OR7E24: variants seen among roughly 807,000 people sequenced by gnomAD.
The protein encoded by OR7E24 is olfactory receptor 7E24.
For missense variants in OR7E24, 385 were observed against 410.3 expected (o/e 0.94, Z 0.53); for synonymous variants, 130 against 157.5 (o/e 0.83, Z 1.31).
At chr19:9,235,070 T>G in the OR7E24 span, 2 of 594,372 alleles carry the variant, frequency 3.4e-6, no homozygotes, top group Non-Finnish European at 3.0e-6. Context: ...TCCATAGAAG[T>G]TGCATCCAAG....
upstream of OR7E24, among the ~76,000 whole-genome samples, chr19:9,245,640 A>T (rs79956660): frequency 5.8e-3 from 880 of 152,334 alleles, 16 homozygotes; most frequent in East Asian, 0.041. Flanking sequence ...ATTCGAACTC[A>T]ATTGAACATG....
chr19:9,234,210 T>A, the OR7E24 span, among the ~76,000 whole-genome samples: 1 of 152,194 alleles, frequency 6.6e-6, no homozygotes, highest in African/African-American at 2.4e-5. Context: ...CCACATGTCT[T>A]TCTTAAGGTC....
chr19:9,241,630 G>T, the OR7E24 span, among the ~76,000 whole-genome samples: 1 of 152,130 alleles, frequency 6.6e-6, no homozygotes, highest in African/African-American at 2.4e-5. Flanking sequence ...TGGGTGTGGT[G>T]GTGGGTGCCT....
At chr19:9,226,867 G>A in the OR7E24 span, among the ~76,000 whole-genome samples, 2 of 152,072 alleles carry the variant, frequency 1.3e-5, no homozygotes, top group African/African-American at 4.8e-5. Flanking sequence ...CATCAGGCAG[G>A]GACCCTTCTA....
At chr19:9,215,369 CTT>C in the OR7E24 span, among the ~76,000 whole-genome samples, 1 of 141,780 alleles carries the variant, frequency 7.1e-6, no homozygotes, top group African/African-American at 2.5e-5. Context: ...AAAAAAACCT[CTT>C]TTTTTCATTT....
the OR7E24 span, among the ~76,000 whole-genome samples, chr19:9,221,446 G>A: frequency 1.5e-5 from 2 of 135,766 alleles, no homozygotes; most frequent in Admixed American, 7.6e-5. Flanking sequence ...CGCCTCCCGG[G>A]TTTACGCCAT....
At chr19:9,232,614 C>G in the OR7E24 span, among the ~76,000 whole-genome samples, 1 of 151,820 alleles carries the variant, frequency 6.6e-6, no homozygotes, top group African/African-American at 2.4e-5. Flanking sequence ...TCCTTTGTGC[C>G]CTGTGTAAAT....
chr19:9,232,428 T>C, the OR7E24 span, among the ~76,000 whole-genome samples: 1 of 150,610 alleles, frequency 6.6e-6, no homozygotes, highest in Non-Finnish European at 1.5e-5. Flanking sequence ...GTCCCAGCTA[T>C]TCAGGAGGCT....
upstream of OR7E24, among the ~76,000 whole-genome samples, chr19:9,249,221 T>C (rs73920720): frequency 0.11 from 16,031 of 152,200 alleles, 1,087 homozygotes; most frequent in African/African-American, 0.18. Context: ...TACTGAGGAT[T>C]GTGAGAGGAA....
At chr19:9,233,907 CTT>C in the OR7E24 span, among the ~76,000 whole-genome samples, 4 of 143,610 alleles carry the variant, frequency 2.8e-5, no homozygotes, top group African/African-American at 5.1e-5. Flanking sequence ...ACATGTCTTT[CTT>C]TTTTTTTTTT....
the OR7E24 span, among the ~76,000 whole-genome samples, chr19:9,228,252 T>C: frequency 4.6e-5 from 7 of 152,350 alleles, no homozygotes; most frequent in South Asian, 1.4e-3. Flanking sequence ...GGATTTTATA[T>C]ATTGGGGATG....
upstream of OR7E24, among the ~76,000 whole-genome samples, chr19:9,245,280 T>C (rs1174278653): frequency 6.6e-6 from 1 of 151,498 alleles, no homozygotes; most frequent in Non-Finnish European, 1.5e-5. Context: ...CATATGCAAA[T>C]GGCCAATGAG....
At chr19:9,207,593 G>A in the OR7E24 span, 10 of 152,252 alleles carry the variant, frequency 6.6e-5, no homozygotes, top group South Asian at 2.1e-4. Flanking sequence ...AAGTTCCAGC[G>A]TTTCCTAATA....
the OR7E24 span, among the ~76,000 whole-genome samples, chr19:9,229,681 A>T: frequency 6.6e-6 from 1 of 152,282 alleles, no homozygotes; most frequent in African/African-American, 2.4e-5. Context: ...TTGCCTGAAC[A>T]TTTTCCATTC....
chr19:9,214,963 C>T, the OR7E24 span: 1 of 612,402 alleles, frequency 1.6e-6, no homozygotes, highest in East Asian at 2.7e-5. Context: ...TCCTGGAGTC[C>T]TTACAAAGAC....
the OR7E24 span, among the ~76,000 whole-genome samples, chr19:9,227,756 T>C: frequency 7.1e-6 from 1 of 141,366 alleles, no homozygotes; most frequent in Admixed American, 7.0e-5. Flanking sequence ...TTTCTTTTTT[T>C]TTTTTTTTTT....
At chr19:9,220,660 G>C in the OR7E24 span, among the ~76,000 whole-genome samples, 3 of 152,176 alleles carry the variant, frequency 2.0e-5, no homozygotes, top group African/African-American at 7.2e-5. Flanking sequence ...TGTGAATAAT[G>C]CTCCAATAAA....
the OR7E24 span, among the ~76,000 whole-genome samples, chr19:9,239,434 A>G: frequency 6.6e-6 from 1 of 152,074 alleles, no homozygotes; most frequent in Non-Finnish European, 1.5e-5. Context: ...GGCCTCCCAA[A>G]GTGCTGGGAT....
the OR7E24 span, among the ~76,000 whole-genome samples, chr19:9,225,756 C>T: frequency 9.5e-4 from 145 of 152,276 alleles, no homozygotes; most frequent in African/African-American, 3.3e-3. Flanking sequence ...ATGGATGCTG[C>T]GTTGCATTCC....
Sources: allele counts gnomAD v4.1 joint callset (sites outside exome capture counted in the v4.1 genomes callset), GRCh38; gene constraint gnomAD v4.1.1; transcripts MANE v1.5; gene names NCBI Gene and HGNC (gene_info 2026-07-23, HGNC 2026-07-21).